The following RELN variants were observed in gnomAD, a reference collection of about 807,000 sequenced individuals.
The protein encoded by RELN is reelin.
A neutral mutation model predicts 427.6 loss-of-function variants in RELN; 108 were observed. That is an observed-to-expected ratio of 0.25 (90% CI 0.22 to 0.30). RELN has a LOEUF of 0.30. Ranked by LOEUF, RELN falls within the 10% of genes least tolerant of loss-of-function variation. The pLI, the probability that RELN is intolerant of heterozygous loss-of-function variation, is 1.00. For missense variants in RELN, 3,715 were observed against 4,302.8 expected, an observed-to-expected ratio of 0.86 and a Z score of 3.82; for synonymous variants, 1,524 against 1,513.4, an observed-to-expected ratio of 1.01 and a Z score of -0.16.
chr7:103,739,526 G>A (rs569344946), intron 6 of RELN, among the ~76,000 whole-genome samples: 10 of 152,274 alleles, frequency 6.6e-5, no homozygotes, highest in Middle Eastern at 3.4e-3. Flanking sequence ...TCACCCTCTT[G>A]GGTTCAATGG....
intron 10 of RELN, among the ~76,000 whole-genome samples, chr7:103,683,359 T>C (rs1182129827): frequency 6.6e-6 from 1 of 152,146 alleles, no homozygotes; most frequent in Non-Finnish European, 1.5e-5. Flanking sequence ...GGGAATGACA[T>C]GGAAATGCCC....
intron 4 of RELN, among the ~76,000 whole-genome samples, chr7:103,755,022 G>A (rs938681974): frequency 1.3e-5 from 2 of 152,130 alleles, no homozygotes; most frequent in Non-Finnish European, 2.9e-5. Context: ...ATGAACTCAG[G>A]GATTTTGGCC....
In RELN at chr7:103,566,278, C is replaced by A. The variant is rs1436133395; in HGVS notation, c.4882G>T (p.Val1628Phe). Residue 1628 changes from valine (V) to phenylalanine (F), a missense_variant, in exon 33 of 65, where the codon GTT becomes TTT. Val to Phe is a conservative substitution (Grantham distance 50, BLOSUM62 -1). This residue lies in a region of RELN where 2,208 missense variants were observed against 2,361.7 expected (regional missense o/e 0.93). Transcript: ENST00000428762. ...ANWYRIQGGQ[V>F]DIDCLSMDTA... is the part of the protein sequence containing the mutation. Reference sequence around the variant, plus strand: ...TCCATAGAGAGACAGTCAATATCAACTTGACCTCCTTGGATTCGATACCAG... The same window carrying A: ...TCCATAGAGAGACAGTCAATATCAAATTGACCTCCTTGGATTCGATACCAG... 6.2e-7 allele frequency: 1 copy of A among 1,613,988 alleles called. No individual in the cohort carries two copies. Among genetic ancestry groups the A allele is most frequent in the East Asian group, 2.2e-5 (1 of 44,864 alleles).
intron 1 of RELN, among the ~76,000 whole-genome samples, chr7:103,919,036 T>G (rs1285861279): frequency 6.6e-6 from 1 of 152,120 alleles, no homozygotes; most frequent in Non-Finnish European, 1.5e-5. Context: ...GATATTTGCC[T>G]TTGGAAAAAC....
chr7:103,499,400 C>A (rs898908186), intron 53 of RELN, among the ~76,000 whole-genome samples: 1 of 152,148 alleles, frequency 6.6e-6, no homozygotes, highest in Non-Finnish European at 1.5e-5. Flanking sequence ...GTCTACAGTA[C>A]TTTCATTTTA....
At chr7:103,783,703 C>A (rs1563011213) in intron 3 of RELN, among the ~76,000 whole-genome samples, 1 of 152,148 alleles carries the variant, frequency 6.6e-6, no homozygotes, top group Non-Finnish European at 1.5e-5. Context: ...AGAGAAGGAA[C>A]ATGCAGATGA....
rs545491461 is a variant in RELN at position 103,824,016 on chromosome 7, T to G, written c.473+9521A>C. Among the ~76,000 whole-genome samples, 1 of 152,260 alleles carries G rather than the reference T, an allele frequency of 6.6e-6. No individual in the cohort carries two copies. The highest frequency in any genetic ancestry group is 2.4e-5 in the African/African-American group (1 of 41,576). On this transcript the variant is annotated intron_variant, in intron 3 of 64. Coordinates refer to ENST00000428762, the MANE Select transcript of RELN (RefSeq NM_005045.4). The surrounding 1 kb of genome is among the most constrained non-coding windows in gnomAD (Gnocchi z 4.4). ...CATCTTTTGTTGCTGATGAGACCAC[T>G]GTCAGATTAAATTTATAGGTAATCT...
At chr7:103,838,164 A>C (rs946930661) in intron 2 of RELN, among the ~76,000 whole-genome samples, 4 of 140,272 alleles carry the variant, frequency 2.9e-5, no homozygotes, top group African/African-American at 5.4e-5. Flanking sequence ...AGCCGAGATC[A>C]CGCCACTGCA....
At chr7:103,761,770 A>G (rs1791306939) in intron 4 of RELN, among the ~76,000 whole-genome samples, 1 of 152,202 alleles carries the variant, frequency 6.6e-6, no homozygotes, top group South Asian at 2.1e-4. Flanking sequence ...TTTAATTTTT[A>G]AAAAATTGTT....
intron 64 of RELN, among the ~76,000 whole-genome samples, chr7:103,476,061 T>A (rs1828021704): frequency 6.6e-6 from 1 of 152,158 alleles, no homozygotes; most frequent in African/African-American, 2.4e-5. Context: ...CTGGGTGCTC[T>A]TTAATTTTGA....
intron 45 of RELN, among the ~76,000 whole-genome samples, chr7:103,536,490 T>C (rs999147286): frequency 1.3e-5 from 2 of 152,148 alleles, no homozygotes; most frequent in African/African-American, 2.4e-5. Context: ...TTGAACTCTT[T>C]TGGGGCATGG....
At chr7:103,792,647 A>AT (rs1314109212) in intron 3 of RELN, among the ~76,000 whole-genome samples, 1 of 152,018 alleles carries the variant, frequency 6.6e-6, no homozygotes, top group East Asian at 1.9e-4. Context: ...TGTTATAAAA[A>AT]TTTTTATAAT....
intron 11 of RELN, among the ~76,000 whole-genome samples, chr7:103,665,370 A>G (rs1184354546): frequency 1.6e-4 from 24 of 147,786 alleles, no homozygotes; most frequent in East Asian, 7.8e-4. Flanking sequence ...GTGTATATAT[A>G]TATATATATA....
intron 20 of RELN, among the ~76,000 whole-genome samples, chr7:103,614,488 C>T (rs1056194989): frequency 3.3e-5 from 5 of 152,268 alleles, no homozygotes; most frequent in Middle Eastern, 3.4e-3. Flanking sequence ...CCCTGTTGCT[C>T]CTATGGTCAT....
intron 28 of RELN, among the ~76,000 whole-genome samples, chr7:103,582,543 T>G (rs1236986499): frequency 6.6e-6 from 1 of 152,236 alleles, no homozygotes; most frequent in Admixed American, 6.5e-5. Context: ...AGATTATGTT[T>G]CAAAGTTTAA....
chr7:103,566,666 G>T lies in RELN; in HGVS notation c.4682C>A (p.Ser1561Tyr). ...FMSFLEPQII[S>Y]IDLPQDAKTP... ...CTTCGCGTCCTGTGGCAGGTCAATG[G>T]AAATGATCTGTGGTTCCAGGAAGGA... The change falls in exon 32 of 65, where the codon TCC becomes TAC. Residue 1561 changes from serine to tyrosine, a missense_variant. Around this residue, in one of 4 missense-constraint regions of RELN, gnomAD observed 2,208 missense variants for 2,361.7 expected, o/e 0.93. Coordinates refer to ENST00000428762, the MANE Select transcript of RELN (RefSeq NM_005045.4). The T allele has an allele frequency of 6.2e-7, 1 of 1,614,158 alleles. No homozygotes were observed. The highest frequency in any genetic ancestry group is 2.2e-5 in the East Asian group (1 of 44,876).
chr7:103,916,654 T>C (rs1449283697), intron 2 of RELN, among the ~76,000 whole-genome samples: 1 of 152,206 alleles, frequency 6.6e-6, no homozygotes, highest in African/African-American at 2.4e-5. Context: ...ATTGCTATCT[T>C]CTGCTTTATA....
chr7:103,957,000 C>G (rs968553268), intron 1 of RELN, among the ~76,000 whole-genome samples: 1 of 152,094 alleles, frequency 6.6e-6, no homozygotes, highest in Middle Eastern at 3.2e-3. Flanking sequence ...ACACAGGTAA[C>G]AGGAGACTAA....
chr7:103,679,249 T>C (rs954800406), intron 11 of RELN, among the ~76,000 whole-genome samples: 1 of 152,200 alleles, frequency 6.6e-6, no homozygotes, highest in Non-Finnish European at 1.5e-5. Flanking sequence ...CTTCTCATTA[T>C]CCTTTTATAC....
Sources: allele counts gnomAD v4.1 joint callset (sites outside exome capture counted in the v4.1 genomes callset), GRCh38; gene constraint gnomAD v4.1.1; regional missense constraint gnomAD v4.1.1; non-coding constraint Gnocchi (gnomAD v3.1); transcripts MANE v1.5; gene names NCBI Gene and HGNC (gene_info 2026-07-23, HGNC 2026-07-21).